The following RNF144A variants were observed in gnomAD, a reference collection of about 807,000 sequenced individuals.
RNF144A encodes the protein E3 ubiquitin-protein ligase RNF144A.
RNF144A carries 11 observed loss-of-function variants against 38.7 expected under a neutral mutation model. The observed-to-expected ratio is 0.28, with a 90% CI of 0.18 to 0.47. The LOEUF (loss-of-function observed/expected upper bound fraction) is 0.47, where lower values mean the gene tolerates loss of function less well. Ranked by LOEUF, RNF144A falls within the 20% of genes least tolerant of loss-of-function variation. RNF144A has a pLI of 0.99. For missense variants in RNF144A, 316 were observed against 377.2 expected, an observed-to-expected ratio of 0.84 and a Z score of 1.34; for synonymous variants, 149 against 143.9, an observed-to-expected ratio of 1.04 and a Z score of -0.25.
At chr2:7,036,815 T>C (rs1449560464) in intron 8 of RNF144A, among the ~76,000 whole-genome samples, 1 of 152,232 alleles carries the variant, frequency 6.6e-6, no homozygotes, top group Non-Finnish European at 1.5e-5. Context: ...ATGTGGTTTG[T>C]ACAAGAATTC....
intron 7 of RNF144A, among the ~76,000 whole-genome samples, chr2:7,027,694 C>A: frequency 6.6e-6 from 1 of 152,198 alleles, no homozygotes; most frequent in East Asian, 1.9e-4. Context: ...TTTCATCCCA[C>A]CCCGGAGTTC....
intron 2 of RNF144A, among the ~76,000 whole-genome samples, chr2:6,965,456 C>T (rs554077350): frequency 5.9e-5 from 9 of 152,052 alleles, no homozygotes; most frequent in Admixed American, 3.3e-4. Flanking sequence ...ATTACAGAAA[C>T]GTCTATATAT....
In RNF144A at chr2:7,041,353, A is replaced by G. The variant is rs1673030967; in HGVS notation, c.*1593A>G. 5.1e-6 allele frequency: 5 copies of G among 985,702 alleles called. No homozygotes were observed. The Admixed American group carries it at 2.5e-4, about 48-fold the overall frequency. 61.1% of individuals were successfully genotyped at this position (985,702 alleles called of 1,614,324 possible). ...TATTTCCTAACATTGAATTCGTTAGAAAAAACAGCGTCACCTCACTCTTCA... is the reference window on the plus strand; with the variant it reads ...TATTTCCTAACATTGAATTCGTTAGGAAAAACAGCGTCACCTCACTCTTCA... On this transcript the variant is annotated 3_prime_UTR_variant, in exon 9 of 9. Transcript: ENST00000320892.
chr2:6,935,383 A>G (rs1665502580), intron 1 of RNF144A, among the ~76,000 whole-genome samples: 1 of 151,968 alleles, frequency 6.6e-6, no homozygotes, highest in Non-Finnish European at 1.5e-5. Flanking sequence ...TGAGGTCACC[A>G]CCCTCTCCTT....
intron 1 of RNF144A, among the ~76,000 whole-genome samples, chr2:6,922,922 C>T (rs1040754123): frequency 6.6e-6 from 1 of 152,176 alleles, no homozygotes; most frequent in African/African-American, 2.4e-5. Context: ...CCGCGCCCGG[C>T]CTCCTGCTTT....
rs760410057 is a variant in RNF144A, at chr2:6,944,184, C to T, written c.-12+3037C>T. 2.6e-5 allele frequency among the ~76,000 whole-genome samples: 4 copies of T among 151,930 alleles called. No individual in the cohort carries two copies. The highest frequency in any genetic ancestry group is 1.9e-4 in the East Asian group (1 of 5,180). On this transcript the variant is annotated intron_variant, in intron 2 of 8. Transcript: ENST00000320892. This position sits in a 1 kb window ranked among gnomAD's most constrained non-coding sequence, Gnocchi z 4.7. ...AGCAGAGGAGGAGCCATTGGAGATG[C>T]GGGAGGAGGCCGGGCACTATGGGCC...
intron 2 of RNF144A, among the ~76,000 whole-genome samples, chr2:6,983,703 G>A (rs978100604): frequency 2.0e-5 from 3 of 152,132 alleles, no homozygotes; most frequent in Non-Finnish European, 4.4e-5. Context: ...CCCCCACTGT[G>A]TCTGTCTACC....
At position 7,068,193 on chromosome 2, in the gene RNF144A, G is replaced by A. The variant is rs1869298; in HGVS notation, c.735-23G>A. Reference sequence around the variant, plus strand: ...CTTTTCTGTGCTTTAACAAGTATCAGTGAGTAAGGTTTTCTTTAACAGGGT... The same window carrying A: ...CTTTTCTGTGCTTTAACAAGTATCAATGAGTAAGGTTTTCTTTAACAGGGT... On this transcript the variant is annotated intron_variant, in intron 6 of 6. Coordinates refer to the RNF144A transcript ENST00000432850. 12 of 1,211,850 alleles carry A rather than the reference G, an allele frequency of 9.9e-6. No individual in the cohort carries two copies. In the South Asian group the frequency reaches 1.5e-4, roughly 15 times the overall value. The allele number at this position is 1,211,850 out of a possible 1,614,324, so 75.1% of individuals were successfully genotyped here.
intron 3 of RNF144A, among the ~76,000 whole-genome samples, chr2:7,010,739 T>C (rs1270750911): frequency 3.9e-5 from 6 of 152,116 alleles, no homozygotes; most frequent in Admixed American, 3.3e-4. Context: ...TTTCCTGCAA[T>C]GCCTTTGACC....
At position 6,955,208 on chromosome 2, in the gene RNF144A, T is replaced by G. The variant is rs142311712; in HGVS notation, c.-12+14061T>G. Among the ~76,000 whole-genome samples, 490 of 152,334 alleles carry G rather than the reference T, an allele frequency of 3.2e-3. 5 individuals carry two copies. Among genetic ancestry groups the G allele is most frequent in the African/African-American group, 0.011 (464 of 41,564 alleles). On this transcript the variant is annotated intron_variant, in intron 2 of 8. Coordinates refer to ENST00000320892, the MANE Select transcript of RNF144A (RefSeq NM_014746.6). The stretch of plus-strand genomic sequence containing the variant: ...CATAGGGATCATGCAGTACAGAATT[T>G]TCAAAATTTGGGGAGTAGTTTTGTG...
Position 7,043,678 on chromosome 2 carries a change from T to C in RNF144A, c.*3918T>C. 1 of 985,856 alleles carries C rather than the reference T, an allele frequency of 1.0e-6. No homozygotes were observed. Among genetic ancestry groups the C allele is most frequent in the Non-Finnish European group, 1.2e-6 (1 of 829,932 alleles). The allele number at this position is 985,856 out of a possible 1,614,324, so 61.1% of individuals were successfully genotyped here. On this transcript the variant is annotated 3_prime_UTR_variant, in exon 9 of 9. Coordinates refer to ENST00000320892, the MANE Select transcript of RNF144A (RefSeq NM_014746.6). ...TGCGTTAAAACCTAATTGCTAATGC[T>C]TCACAACTAGGAGAGCATGCCGTCT...
intron 8 of RNF144A, among the ~76,000 whole-genome samples, chr2:7,032,256 G>A (rs956736450): frequency 6.7e-6 from 1 of 150,114 alleles, no homozygotes; most frequent in Admixed American, 6.6e-5. Flanking sequence ...GCCCCTTGCA[G>A]CTCTGCTGGA....
chr2:6,961,805 C>G (rs1021675518), intron 2 of RNF144A, among the ~76,000 whole-genome samples: 1 of 152,202 alleles, frequency 6.6e-6, no homozygotes, highest in Non-Finnish European at 1.5e-5. Context: ...ACTTGGCCAC[C>G]TGGAAATGCT....
intron 3 of RNF144A, among the ~76,000 whole-genome samples, chr2:7,009,528 C>CTTT (rs33998416): frequency 1.4e-5 from 2 of 147,104 alleles, no homozygotes; most frequent in East Asian, 2.0e-4. Context: ...AAGTCTGGGG[C>CTTT]TTTTTTTTTT....
chr2:6,979,990 G>T (rs1668530809), intron 2 of RNF144A, among the ~76,000 whole-genome samples: 1 of 152,170 alleles, frequency 6.6e-6, no homozygotes. Flanking sequence ...TCACAAGGCG[G>T]CAGGAGAGAG....
In RNF144A at chr2:7,043,699, C is replaced by T. The variant is rs779030384; in HGVS notation, c.*3939C>T. 2.9e-5 allele frequency: 29 copies of T among 985,694 alleles called. No homozygotes were observed. The highest frequency in any genetic ancestry group is 1.8e-4 in the Admixed American group (3 of 16,272). The allele number at this position is 985,694 out of a possible 1,614,324, so 61.1% of individuals were successfully genotyped here. ...ATGCTTCACAACTAGGAGAGCATGC[C>T]GTCTTGATGTTTAAAAAACCCAGGG... On this transcript the variant is annotated 3_prime_UTR_variant, in exon 9 of 9. Coordinates refer to ENST00000320892, the MANE Select transcript of RNF144A (RefSeq NM_014746.6).
chr2:6,989,199 G>A (rs1208668325), intron 2 of RNF144A, among the ~76,000 whole-genome samples: 1 of 152,206 alleles, frequency 6.6e-6, no homozygotes, highest in African/African-American at 2.4e-5. Context: ...GTGCACACAA[G>A]TCTATACATA....
chr2:7,041,806 A>G lies in RNF144A; in HGVS notation c.*2046A>G. On this transcript the variant is annotated 3_prime_UTR_variant, in exon 9 of 9. Coordinates refer to ENST00000320892, the MANE Select transcript of RNF144A (RefSeq NM_014746.6). ...CCATCGCATGAGCCCACACAGTAGC[A>G]CCCCCGTCCTTAGGATGAGAGTCAG... is the stretch of plus-strand genomic sequence containing the variant. The G allele has an allele frequency of 1.0e-6, 1 of 985,306 alleles. No homozygotes were observed. Among genetic ancestry groups the G allele is most frequent in the Non-Finnish European group, 1.2e-6 (1 of 829,958 alleles). The allele number at this position is 985,306 out of a possible 1,614,324, so 61.0% of individuals were successfully genotyped here.
chr2:7,071,515 C>T (rs1674481548), downstream of RNF144A, among the ~76,000 whole-genome samples: 1 of 152,232 alleles, frequency 6.6e-6, no homozygotes, highest in Admixed American at 6.5e-5. Flanking sequence ...GAGTTATTTA[C>T]ATTTGGCTCA....
Sources: gnomAD v4.1 joint callset for allele counts (sites outside exome capture counted in the v4.1 genomes callset) on GRCh38, gnomAD v4.1.1 for gene constraint, Gnocchi (gnomAD v3.1) non-coding constraint, MANE v1.5 for transcripts, NCBI Gene and HGNC (gene_info 2026-07-23, HGNC 2026-07-21) for gene names.